The following SHC3 variants were observed in gnomAD, a reference collection of about 807,000 sequenced individuals.
SHC3 encodes SHC adaptor protein 3, also known as SHC-transforming protein 3.
SHC3 carries 15 observed loss-of-function variants against 60.4 expected under a neutral mutation model. The observed-to-expected ratio is 0.25, with a 90% CI of 0.17 to 0.38. SHC3 has a LOEUF of 0.38. Among genes scored for constraint, SHC3 ranks in the 10% least tolerant of loss-of-function variants. The pLI, the probability that SHC3 is intolerant of heterozygous loss-of-function variation, is 1.00. For synonymous variants in SHC3, 294 were observed against 325.9 expected (o/e 0.90, Z 1.05); for missense variants, 677 against 786.1 (o/e 0.86, Z 1.66).
chr9:89,113,639 A>G (rs1380614869), intron 1 of SHC3, among the ~76,000 whole-genome samples: 2 of 152,186 alleles, frequency 1.3e-5, no homozygotes, highest in Admixed American at 6.5e-5. Context: ...TTGCACCACC[A>G]CCAATATCAC....
At chr9:89,163,828 T>C (rs1189045104) in intron 1 of SHC3, among the ~76,000 whole-genome samples, 1 of 151,822 alleles carries the variant, frequency 6.6e-6, no homozygotes, top group Non-Finnish European at 1.5e-5. Flanking sequence ...AATCTGGACA[T>C]CCTAGATCAA....
chr9:89,038,194 G>T lies in SHC3; in HGVS notation c.1455C>A (p.Ala485=). Residue 485 remains alanine (A), a synonymous_variant, in exon 11 of 12, where the codon GCC becomes GCA. Coordinates refer to ENST00000375835, the MANE Select transcript of SHC3 (RefSeq NM_016848.6). ...GTTCCTCCAGCATCTTGGCATCTGGGGCTCTAGGTGACACAGGGCTGATGC... is the reference window on the plus strand; with the variant it reads ...GTTCCTCCAGCATCTTGGCATCTGGTGCTCTAGGTGACACAGGGCTGATGC... The part of the protein sequence containing the change: ...VECISPVSPR[A]PDAKMLEELQ... 1 of 1,614,032 alleles carries T rather than the reference G, an allele frequency of 6.2e-7. No individual in the cohort carries two copies. Among genetic ancestry groups the T allele is most frequent in the Non-Finnish European group, 8.5e-7 (1 of 1,180,018 alleles).
intron 11 of SHC3, among the ~76,000 whole-genome samples, chr9:89,014,262 ACT>A (rs1564073177): frequency 6.6e-6 from 1 of 151,572 alleles, no homozygotes; most frequent in Non-Finnish European, 1.5e-5. Context: ...GAGGTTGAAC[ACT>A]CTGCCCTGCT....
chr9:89,062,588 C>T (rs1054279959), intron 6 of SHC3, among the ~76,000 whole-genome samples: 1 of 152,340 alleles, frequency 6.6e-6, no homozygotes, highest in Middle Eastern at 3.4e-3. Context: ...ACAGTAACAG[C>T]ATCGAGGGAC....
intron 6 of SHC3, among the ~76,000 whole-genome samples, chr9:89,063,350 G>A (rs1439724098): frequency 4.6e-5 from 7 of 152,140 alleles, no homozygotes; most frequent in African/African-American, 7.2e-5. Context: ...GGCTGGTTTC[G>A]GTCTTCTGAC....
intron 1 of SHC3, among the ~76,000 whole-genome samples, chr9:89,151,294 T>C (rs1369398690): frequency 6.6e-6 from 1 of 152,242 alleles, no homozygotes; most frequent in East Asian, 1.9e-4. Context: ...AATGTTAGTG[T>C]CCCCCCAAAA....
At chr9:89,074,691 C>CAAAAAAAAAAA (rs68051828) in intron 4 of SHC3, among the ~76,000 whole-genome samples, 4 of 59,928 alleles carry the variant, frequency 6.7e-5, no homozygotes, top group Non-Finnish European at 1.2e-4. Context: ...GCCACTAAAG[C>CAAAAAAAAAAA]AAAAAAAAAA....
rs1375069177 is a variant in SHC3 at position 89,008,442 on chromosome 9, A to T, written c.*5005T>A. On this transcript the variant is annotated 3_prime_UTR_variant, in exon 12 of 12. Coordinates refer to ENST00000375835, the MANE Select transcript of SHC3 (RefSeq NM_016848.6). ...AAGACTTCAGAGCAGCTGCACCAGC[A>T]TCACCTCGAGATTTTTTGAAATGCA... The T allele has an allele frequency of 6.6e-6, 1 of 152,214 alleles. No homozygotes were observed. The highest frequency in any genetic ancestry group is 1.5e-5 in the Non-Finnish European group (1 of 68,048). The allele number at this position is 152,214 out of a possible 1,614,324, so 9.4% of individuals were successfully genotyped here.
At chr9:89,171,782 T>C (rs1324098242) in intron 1 of SHC3, among the ~76,000 whole-genome samples, 1 of 152,208 alleles carries the variant, frequency 6.6e-6, no homozygotes, top group African/African-American at 2.4e-5. Context: ...TTCCAGCATC[T>C]AGGCTTCACT....
intron 2 of SHC3, among the ~76,000 whole-genome samples, chr9:89,111,633 G>C (rs1461423224): frequency 2.6e-5 from 4 of 151,704 alleles, no homozygotes; most frequent in Non-Finnish European, 5.9e-5. Flanking sequence ...TCTTCAGTGA[G>C]GAGGAAGAGG....
chr9:89,014,963 C>T (rs1826070326), intron 11 of SHC3, among the ~76,000 whole-genome samples: 1 of 152,166 alleles, frequency 6.6e-6, no homozygotes, highest in South Asian at 2.1e-4. Context: ...GGAACCCTCT[C>T]CCCCCATCTC....
chr9:89,154,745 C>T (rs1334900408), intron 1 of SHC3, among the ~76,000 whole-genome samples: 1 of 152,004 alleles, frequency 6.6e-6, no homozygotes, highest in African/African-American at 2.4e-5. Flanking sequence ...ATCTTACGTA[C>T]GACAAGGAAG....
chr9:89,153,581 C>T (rs557959302), intron 1 of SHC3, among the ~76,000 whole-genome samples: 122 of 152,306 alleles, frequency 8.0e-4, no homozygotes, highest in African/African-American at 2.9e-3. Context: ...AGCTGAGAAC[C>T]CTCATTTGGG....
intron 2 of SHC3, among the ~76,000 whole-genome samples, chr9:89,091,856 T>C (rs1205189404): frequency 6.6e-6 from 1 of 152,154 alleles, no homozygotes; most frequent in South Asian, 2.1e-4. Flanking sequence ...TTTTAAATGA[T>C]ATGGCAAGAT....
chr9:89,072,784 T>A (rs1467852374), intron 4 of SHC3, among the ~76,000 whole-genome samples: 3 of 152,212 alleles, frequency 2.0e-5, no homozygotes, highest in Admixed American at 2.0e-4. Flanking sequence ...CTTGGGCCCT[T>A]GTCCTCGGGC....
chr9:89,072,295 G>A (rs955433288), intron 4 of SHC3, among the ~76,000 whole-genome samples: 1 of 152,160 alleles, frequency 6.6e-6, no homozygotes, highest in Non-Finnish European at 1.5e-5. Context: ...CCGAGGCCAG[G>A]GTCTTAACAA....
At chr9:89,113,601 C>T (rs1361277655) in intron 1 of SHC3, among the ~76,000 whole-genome samples, 2 of 152,180 alleles carry the variant, frequency 1.3e-5, no homozygotes, top group Admixed American at 6.5e-5. Flanking sequence ...TGTCTATACA[C>T]CCATAAATGT....
intron 11 of SHC3, among the ~76,000 whole-genome samples, chr9:89,016,325 CA>C (rs1456635681): frequency 1.3e-5 from 2 of 152,074 alleles, no homozygotes; most frequent in East Asian, 3.9e-4. Flanking sequence ...ATTTGGTTTA[CA>C]ATATTCCCAA....
chr9:89,063,871 T>C (rs1825132079), intron 6 of SHC3, among the ~76,000 whole-genome samples: 1 of 152,218 alleles, frequency 6.6e-6, no homozygotes, highest in Admixed American at 6.5e-5. Flanking sequence ...CCACTAACTG[T>C]CTCAAACAAA....
Sources: gnomAD v4.1 joint callset for allele counts (sites outside exome capture counted in the v4.1 genomes callset) on GRCh38, gnomAD v4.1.1 for gene constraint, MANE v1.5 for transcripts, NCBI Gene and HGNC (gene_info 2026-07-23, HGNC 2026-07-21) for gene names.